The following VTI1A variants were observed in gnomAD, a reference collection of about 807,000 sequenced individuals.
VTI1A encodes vesicle transport through interaction with t-SNAREs 1A.
A neutral mutation model predicts 34.9 loss-of-function variants in VTI1A; 22 were observed. The observed-to-expected ratio is 0.63, with a 90% CI of 0.45 to 0.90. The LOEUF (loss-of-function observed/expected upper bound fraction) is 0.90. VTI1A is among the 40% of genes least tolerant of loss of function. The pLI is 0.00. For missense variants in VTI1A, 268 were observed against 275.6 expected (o/e 0.97, Z 0.20); for synonymous variants, 87 against 97.3 (o/e 0.89, Z 0.62).
chr10:112,689,684 AG>A (rs1199427841), intron 7 of VTI1A, among the ~76,000 whole-genome samples: 1 of 151,936 alleles, frequency 6.6e-6, no homozygotes, highest in Non-Finnish European at 1.5e-5. Flanking sequence ...CTGAGACCAG[AG>A]GTTGAAAACT....
chr10:112,590,796 A>G (rs532723356), intron 5 of VTI1A, among the ~76,000 whole-genome samples: 13 of 152,152 alleles, frequency 8.5e-5, no homozygotes, highest in Non-Finnish European at 8.8e-5. Context: ...TAGTGAGATA[A>G]CCACAACTCA....
the VTI1A span, among the ~76,000 whole-genome samples, chr10:112,851,119 A>T: frequency 5.3e-5 from 8 of 152,260 alleles, no homozygotes; most frequent in Non-Finnish European, 1.2e-4. Flanking sequence ...TAGCAGACAC[A>T]TAAAATCCAT....
chr10:112,791,047 C>A (rs2134055659), intron 7 of VTI1A, among the ~76,000 whole-genome samples: 1 of 152,242 alleles, frequency 6.6e-6, no homozygotes, highest in South Asian at 2.1e-4. Flanking sequence ...TCATTCCTTC[C>A]ACCATCAGGG....
At chr10:112,577,585 T>C (rs994135634) in intron 5 of VTI1A, among the ~76,000 whole-genome samples, 5 of 152,178 alleles carry the variant, frequency 3.3e-5, no homozygotes, top group Non-Finnish European at 4.4e-5. Flanking sequence ...GGGGATAACA[T>C]TGTGAACAAA....
rs376049903 is a variant in VTI1A at position 112,597,901 on chromosome 10, G to A, written c.427+59571G>A. ...TTTAGTAGAGGCGGGGTTTCACCGC[G>A]TTAGCCAGGATGGTCTCGATCTCCT... On this transcript the variant is annotated intron_variant, in intron 5 of 7. Coordinates refer to ENST00000393077, the MANE Select transcript of VTI1A (RefSeq NM_145206.4). 9.5e-4 allele frequency among the ~76,000 whole-genome samples: 143 copies of A among 150,700 alleles called. 3 individuals carry two copies. In the East Asian group the frequency reaches 0.025, roughly 26 times the overall value.
intron 7 of VTI1A, among the ~76,000 whole-genome samples, chr10:112,797,348 T>G (rs1233108349): frequency 6.6e-6 from 1 of 152,168 alleles, no homozygotes; most frequent in East Asian, 1.9e-4. Flanking sequence ...ACATCCCGGC[T>G]AGTGTATTTG....
chr10:112,507,606 G>A (rs897945874), intron 3 of VTI1A, among the ~76,000 whole-genome samples: 1 of 152,104 alleles, frequency 6.6e-6, no homozygotes, highest in Non-Finnish European at 1.5e-5. Flanking sequence ...CACTTAGCAC[G>A]GACTTCCTTT....
chr10:112,584,418 C>T (rs544193393), intron 5 of VTI1A, among the ~76,000 whole-genome samples: 6 of 152,228 alleles, frequency 3.9e-5, no homozygotes, highest in Admixed American at 1.3e-4. Context: ...AAGAGCACAA[C>T]GAAAAGGATC....
At chr10:112,561,067 C>CA (rs879766280) in intron 5 of VTI1A, among the ~76,000 whole-genome samples, 1 of 151,622 alleles carries the variant, frequency 6.6e-6, no homozygotes, top group Non-Finnish European at 1.5e-5. Flanking sequence ...GTGGTTCTCT[C>CA]AAAAAAAATA....
At chr10:112,624,009 T>C (rs761720437) in intron 5 of VTI1A, among the ~76,000 whole-genome samples, 53 of 152,190 alleles carry the variant, frequency 3.5e-4, no homozygotes, top group Non-Finnish European at 7.1e-4. Flanking sequence ...TCCATCATCT[T>C]TCAAGAAAAG....
intron 7 of VTI1A, among the ~76,000 whole-genome samples, chr10:112,729,199 G>A (rs536294847): frequency 3.9e-4 from 60 of 152,236 alleles, no homozygotes; most frequent in African/African-American, 1.4e-3. Flanking sequence ...TGAAAAAGGT[G>A]TCACTTAAAG....
intron 7 of VTI1A, among the ~76,000 whole-genome samples, chr10:112,735,491 C>G (rs906321040): frequency 1.3e-5 from 2 of 152,208 alleles, no homozygotes; most frequent in African/African-American, 2.4e-5. Flanking sequence ...AATTGGCAAG[C>G]TCTGAGCCTA....
chr10:112,501,810 T>A (rs1849252391), intron 3 of VTI1A, among the ~76,000 whole-genome samples: 1 of 152,142 alleles, frequency 6.6e-6, no homozygotes, highest in Non-Finnish European at 1.5e-5. Flanking sequence ...ATGTAGCTCT[T>A]TCTTAAAAGG....
intron 1 of VTI1A, among the ~76,000 whole-genome samples, chr10:112,458,512 T>C (rs940532050): frequency 6.6e-6 from 1 of 152,150 alleles, no homozygotes; most frequent in Non-Finnish European, 1.5e-5. Context: ...GGAGAAATAT[T>C]GTGAGTACAC....
At chr10:112,794,834 T>G (rs891557462) in intron 7 of VTI1A, among the ~76,000 whole-genome samples, 2 of 152,206 alleles carry the variant, frequency 1.3e-5, no homozygotes, top group African/African-American at 4.8e-5. Flanking sequence ...ATTTATTCAA[T>G]ATAGTCTTAA....
intron 5 of VTI1A, among the ~76,000 whole-genome samples, chr10:112,560,280 T>C (rs1252626106): frequency 6.6e-6 from 1 of 152,242 alleles, no homozygotes; most frequent in Non-Finnish European, 1.5e-5. Context: ...AAATGTAGTA[T>C]GCAACTTTCC....
intron 5 of VTI1A, among the ~76,000 whole-genome samples, chr10:112,559,772 TA>T (rs573337626): frequency 1.9e-3 from 295 of 152,362 alleles, no homozygotes; most frequent in Middle Eastern, 0.014. Context: ...ACAGCCATTC[TA>T]GATGTTGCTT....
At chr10:112,601,713 A>G (rs1019371662) in intron 5 of VTI1A, among the ~76,000 whole-genome samples, 3 of 152,186 alleles carry the variant, frequency 2.0e-5, no homozygotes, top group South Asian at 2.1e-4. Context: ...TGTATCAGAT[A>G]TTACTATTTA....
chr10:112,737,873 G>A (rs751555066), intron 7 of VTI1A: 90 of 1,061,392 alleles, frequency 8.5e-5, no homozygotes, highest in African/African-American at 1.2e-4. Context: ...TAGCTGAGCC[G>A]TAGGATCGAT....
Sources: allele counts gnomAD v4.1 joint callset (sites outside exome capture counted in the v4.1 genomes callset), GRCh38; gene constraint gnomAD v4.1.1; transcripts MANE v1.5; gene names NCBI Gene and HGNC (gene_info 2026-07-23, HGNC 2026-07-21).